The following EMSY variants were observed in gnomAD, a reference collection of about 807,000 sequenced individuals.
EMSY encodes the protein EMSY transcriptional repressor, BRCA2 interacting.
Under a neutral mutation model 134.6 loss-of-function variants are expected in EMSY, and 26 were observed. That is an observed-to-expected ratio of 0.19 (90% CI 0.14 to 0.27). The LOEUF is 0.27. Among genes scored for constraint, EMSY ranks in the 10% least tolerant of loss-of-function variants. The probability of loss-of-function intolerance (pLI) is 1.00; values close to 1 mark genes in which losing one functional copy is unlikely to be tolerated. For synonymous variants in EMSY, 579 were observed against 577.8 expected (o/e 1.00, Z -0.03); for missense variants, 1,305 against 1,611.4 (o/e 0.81, Z 3.26).
At chr11:76,531,426 A>C (rs970530393) in intron 14 of EMSY, among the ~76,000 whole-genome samples, 4 of 152,116 alleles carry the variant, frequency 2.6e-5, no homozygotes, top group Non-Finnish European at 5.9e-5. Context: ...TTGATATTTG[A>C]AGAGTGTAGG....
chr11:76,514,666 G>T (rs1361343313), intron 10 of EMSY, among the ~76,000 whole-genome samples: 1 of 152,048 alleles, frequency 6.6e-6, no homozygotes, highest in Non-Finnish European at 1.5e-5. Context: ...TCACATTGTT[G>T]TATAACCATC....
chr11:76,537,322 A>G (rs574548447), intron 15 of EMSY, among the ~76,000 whole-genome samples: 1 of 152,232 alleles, frequency 6.6e-6, no homozygotes, highest in African/African-American at 2.4e-5. Context: ...ACATTGTAAC[A>G]TTCCTTTGGA....
chr11:76,511,409 T>C (rs529895681), intron 9 of EMSY, among the ~76,000 whole-genome samples: 82 of 152,308 alleles, frequency 5.4e-4, no homozygotes, highest in African/African-American at 1.6e-3. Flanking sequence ...GCTTTAAGAA[T>C]TACTTAATTG....
intron 15 of EMSY, among the ~76,000 whole-genome samples, chr11:76,536,831 G>A (rs1951239680): frequency 6.6e-6 from 1 of 152,086 alleles, no homozygotes; most frequent in Non-Finnish European, 1.5e-5. Flanking sequence ...CTCATCTTTT[G>A]GTTCCTAGTT....
At chr11:76,523,715 T>C (rs1037393014) in intron 12 of EMSY, among the ~76,000 whole-genome samples, 3 of 147,964 alleles carry the variant, frequency 2.0e-5, no homozygotes, top group Non-Finnish European at 4.5e-5. Flanking sequence ...TTTTTTTTTT[T>C]TTTTTTTTTT....
chr11:76,509,536 A>C (rs774215269), intron 9 of EMSY, among the ~76,000 whole-genome samples: 1 of 152,210 alleles, frequency 6.6e-6, no homozygotes, highest in Non-Finnish European at 1.5e-5. Flanking sequence ...AAAAAAACAC[A>C]CTAGTACTGA....
At chr11:76,462,646 C>T (rs1948172363) in intron 6 of EMSY, among the ~76,000 whole-genome samples, 1 of 152,116 alleles carries the variant, frequency 6.6e-6, no homozygotes, top group Non-Finnish European at 1.5e-5. Context: ...AGGTGGTATT[C>T]CCCAAGGAAC....
chr11:76,547,941 A>G (rs1336217297), intron 20 of EMSY, among the ~76,000 whole-genome samples: 1 of 152,140 alleles, frequency 6.6e-6, no homozygotes, highest in Non-Finnish European at 1.5e-5. Context: ...TTAACAACCA[A>G]ACTTTTGGAG....
At chr11:76,490,350 A>G (rs1949369386) in intron 8 of EMSY, among the ~76,000 whole-genome samples, 2 of 152,110 alleles carry the variant, frequency 1.3e-5, no homozygotes. Flanking sequence ...ACTATCCACT[A>G]GGTGCCAGTA....
intron 8 of EMSY, among the ~76,000 whole-genome samples, chr11:76,489,299 A>G (rs982614155): frequency 1.3e-5 from 2 of 149,300 alleles, no homozygotes; most frequent in Non-Finnish European, 3.0e-5. Flanking sequence ...GGACTTGATC[A>G]GATTCTTCTT....
intron 20 of EMSY, among the ~76,000 whole-genome samples, chr11:76,549,396 C>T (rs1951766155): frequency 6.6e-6 from 1 of 152,190 alleles, no homozygotes; most frequent in African/African-American, 2.4e-5. Flanking sequence ...GAAAAAGAAT[C>T]TGACAAGGCA....
intron 20 of EMSY, among the ~76,000 whole-genome samples, chr11:76,548,847 T>C (rs1951746801): frequency 6.6e-6 from 1 of 152,236 alleles, no homozygotes; most frequent in African/African-American, 2.4e-5. Context: ...GTGCTGATAT[T>C]CAACTTTGCT....
chr11:76,541,350 A>G (rs1951433731), intron 17 of EMSY, among the ~76,000 whole-genome samples: 1 of 152,212 alleles, frequency 6.6e-6, no homozygotes, highest in South Asian at 2.1e-4. Context: ...AATCTTACCC[A>G]TTTGTGCCAG....
intron 8 of EMSY, among the ~76,000 whole-genome samples, chr11:76,491,769 T>C (rs947544398): frequency 1.3e-5 from 2 of 151,774 alleles, no homozygotes; most frequent in African/African-American, 4.8e-5. Flanking sequence ...GATGCTCTCC[T>C]CCTCCTACTC....
At chr11:76,470,787 T>G (rs1454007316) in intron 7 of EMSY, among the ~76,000 whole-genome samples, 1 of 152,174 alleles carries the variant, frequency 6.6e-6, no homozygotes, top group African/African-American at 2.4e-5. Flanking sequence ...CCACATTTGA[T>G]GTAGCCTCTG....
chr11:76,487,517 G>A (rs7106446), intron 8 of EMSY, among the ~76,000 whole-genome samples: 8,447 of 152,238 alleles, frequency 0.055, 339 homozygotes, highest in Middle Eastern at 0.092. Flanking sequence ...TTTACTGTTA[G>A]ATACTTATGT....
At chr11:76,528,601 T>A in intron 14 of EMSY, 135 bp downstream of exon 15, 4 of 624,720 alleles carry the variant, frequency 6.4e-6, no homozygotes, top group East Asian at 3.1e-5. Context: ...TTTTTTTTTT[T>A]TTATTGTTTG....
intron 7 of EMSY, among the ~76,000 whole-genome samples, chr11:76,465,824 G>A (rs1053925095): frequency 7.9e-5 from 12 of 152,200 alleles, no homozygotes; most frequent in Non-Finnish European, 1.5e-4. Flanking sequence ...CTGTGTGTAT[G>A]GGTGGGACAT....
At chr11:76,507,063 C>T (rs1263591938) in intron 9 of EMSY, among the ~76,000 whole-genome samples, 1 of 152,174 alleles carries the variant, frequency 6.6e-6, no homozygotes, top group Non-Finnish European at 1.5e-5. Flanking sequence ...GTTTTGGTTT[C>T]CCAGTGCATA....
Sources: allele counts gnomAD v4.1 joint callset (sites outside exome capture counted in the v4.1 genomes callset), GRCh38; gene constraint gnomAD v4.1.1; transcripts MANE v1.5; gene names NCBI Gene and HGNC (gene_info 2026-07-23, HGNC 2026-07-21).